Variants in ADGRD1 observed in about 807,000 individuals in gnomAD.
The protein encoded by ADGRD1 is adhesion G protein-coupled receptor D1.
ADGRD1 carries 77 observed loss-of-function variants against 113.4 expected under a neutral mutation model. The observed-to-expected ratio is 0.68, with a 90% CI of 0.57 to 0.82. The LOEUF is 0.82. ADGRD1 is among the 40% of genes least tolerant of loss of function. The pLI is 0.00. For missense variants in ADGRD1, 1,036 were observed against 1,139.1 expected (o/e 0.91, Z 1.30); for synonymous variants, 474 against 475.0 (o/e 1.00, Z 0.03).
chr12:131,072,744 G>T (rs561660866), intron 13 of ADGRD1, among the ~76,000 whole-genome samples: 2 of 152,238 alleles, frequency 1.3e-5, no homozygotes, highest in African/African-American at 4.8e-5. Context: ...AGACTTGGGG[G>T]TGTCATGTTC....
intron 13 of ADGRD1, among the ~76,000 whole-genome samples, chr12:131,052,450 G>A (rs1883491566): frequency 6.6e-6 from 1 of 152,228 alleles, no homozygotes; most frequent in African/African-American, 2.4e-5. Flanking sequence ...CAGGGCAAGA[G>A]CTCTGTTCTT....
At chr12:130,996,812 G>A (rs1415261403) in intron 8 of ADGRD1, among the ~76,000 whole-genome samples, 21 of 113,552 alleles carry the variant, frequency 1.8e-4, no homozygotes, top group African/African-American at 5.4e-4. Context: ...CTCCCGGACG[G>A]GGCGGCTGGC....
intron 13 of ADGRD1, chr12:131,023,936 T>C (rs550977846): frequency 3.3e-5 from 5 of 152,266 alleles, no homozygotes; most frequent in South Asian, 2.1e-4. Context: ...TCTCTGCAAA[T>C]AGACAACTCA....
rs540755730 is a variant in ADGRD1, at chr12:131,106,818, G to A, written c.1887+953G>A. On this transcript the variant is annotated intron_variant, in intron 17 of 24. Coordinates refer to ENST00000261654, the MANE Select transcript of ADGRD1 (RefSeq NM_198827.5). ...CATCTGAGAAGTTCCTGGATGCACC[G>A]TGGAATGGATGGGGTGTGCACTGGC... 2.6e-5 allele frequency among the ~76,000 whole-genome samples: 4 copies of A among 152,318 alleles called. No individual in the cohort carries two copies. The East Asian group carries it at 5.8e-4, about 22-fold the overall frequency.
chr12:130,959,537 C>G (rs1870101558), intron 2 of ADGRD1, among the ~76,000 whole-genome samples: 1 of 152,192 alleles, frequency 6.6e-6, no homozygotes, highest in Non-Finnish European at 1.5e-5. Flanking sequence ...CACCACTGCA[C>G]TCCAGCCTTG....
chr12:130,997,939 C>T (rs1336274875), intron 8 of ADGRD1, among the ~76,000 whole-genome samples: 2 of 152,206 alleles, frequency 1.3e-5, no homozygotes, highest in Non-Finnish European at 2.9e-5. Context: ...AACCAGACAC[C>T]GTCTGCAATC....
chr12:130,961,155 A>C (rs1430157969), intron 2 of ADGRD1, among the ~76,000 whole-genome samples: 1 of 152,194 alleles, frequency 6.6e-6, no homozygotes, highest in East Asian at 1.9e-4. Context: ...CCCTGAACGC[A>C]CACAAGGAGT....
chr12:131,137,067 C>T lies in ADGRD1; in HGVS notation c.2436+53C>T, dbSNP rs528127224. The T allele has an allele frequency of 1.7e-5, 24 of 1,428,206 alleles. No homozygotes were observed. In the Middle Eastern group the frequency reaches 7.1e-4, roughly 42 times the overall value. 88.5% of individuals were successfully genotyped at this position (1,428,206 alleles called of 1,614,324 possible). On this transcript the variant is annotated intron_variant, in intron 23 of 24. Transcript: ENST00000261654. ...GCAGGTGCAGCTGGCTTTTCCTTTC[C>T]GAAAGGTCACAGGAGCAGGAACAGC...
chr12:130,981,590 A>C (rs1215231676), intron 4 of ADGRD1, among the ~76,000 whole-genome samples: 2 of 152,112 alleles, frequency 1.3e-5, no homozygotes, highest in Non-Finnish European at 2.9e-5. Flanking sequence ...GGTGACCTTG[A>C]GTGAATGAGC....
In ADGRD1 at chr12:131,029,232, TA is replaced by T. The variant is rs141884522; in HGVS notation, c.1473+14893del. 2.6e-3 allele frequency among the ~76,000 whole-genome samples: 401 copies of T among 152,378 alleles called. 3 individuals are homozygous for T. The highest frequency in any genetic ancestry group is 9.1e-3 in the African/African-American group (379 of 41,592). On this transcript the variant is annotated intron_variant, in intron 13 of 24. Coordinates refer to ENST00000261654, the MANE Select transcript of ADGRD1 (RefSeq NM_198827.5). ...GCCTGCTGCTGTAATCTACCAGGCT[TA>T]TTTTTATATTGACTATTATAGTCAG...
intron 13 of ADGRD1, among the ~76,000 whole-genome samples, chr12:131,054,216 C>T (rs562982493): frequency 3.3e-5 from 5 of 152,222 alleles, no homozygotes; most frequent in African/African-American, 9.7e-5. Flanking sequence ...ATGGTGAAGA[C>T]GATGAACGTG....
intron 4 of ADGRD1, among the ~76,000 whole-genome samples, chr12:130,974,108 G>A (rs1872027485): frequency 6.6e-6 from 1 of 152,166 alleles, no homozygotes; most frequent in South Asian, 2.1e-4. Flanking sequence ...CTGTGCGAGG[G>A]CCATGGCATG....
intron 22 of ADGRD1, 98 bp from the exon 23 acceptor site, chr12:131,136,875 G>A (rs1951101260): frequency 4.2e-6 from 4 of 957,278 alleles, no homozygotes; most frequent in Non-Finnish European, 6.9e-6. Flanking sequence ...ACAGTGTGCG[G>A]TGCCAGTGCC....
intron 2 of ADGRD1, among the ~76,000 whole-genome samples, chr12:130,960,553 G>T (rs1430788057): frequency 1.0e-4 from 13 of 124,652 alleles, no homozygotes; most frequent in African/African-American, 3.2e-4. Context: ...TATGTTTATT[G>T]ATTTATTTAT....
chr12:131,089,008 G>A (rs990302684), intron 15 of ADGRD1, among the ~76,000 whole-genome samples: 5 of 152,130 alleles, frequency 3.3e-5, no homozygotes, highest in African/African-American at 1.2e-4. Flanking sequence ...AGGCCCCACC[G>A]GTCCCAGACC....
At chr12:131,008,579 G>A (rs1337928359) in intron 12 of ADGRD1, among the ~76,000 whole-genome samples, 2 of 152,218 alleles carry the variant, frequency 1.3e-5, no homozygotes, top group Non-Finnish European at 2.9e-5. Flanking sequence ...CTGTGATGAC[G>A]GAGGGGATGA....
chr12:131,038,386 C>A (rs1207668934), intron 13 of ADGRD1, among the ~76,000 whole-genome samples: 1 of 152,242 alleles, frequency 6.6e-6, no homozygotes, highest in Non-Finnish European at 1.5e-5. Flanking sequence ...CTGCCTGCCA[C>A]CTCCGGGTTG....
chr12:131,123,038 A>ATTTTTT (rs1950636788), intron 20 of ADGRD1, among the ~76,000 whole-genome samples: 2 of 35,386 alleles, frequency 5.7e-5, no homozygotes. Flanking sequence ...TTACCTGGGG[A>ATTTTTT]GTTTTTTTTT....
chr12:130,958,349 G>A (rs1165696612), intron 2 of ADGRD1, among the ~76,000 whole-genome samples: 5 of 151,862 alleles, frequency 3.3e-5, no homozygotes, highest in Admixed American at 6.6e-5. Context: ...ACAGGCGCCC[G>A]TGACCAAGGC....
Sources: gnomAD v4.1 joint callset for allele counts (sites outside exome capture counted in the v4.1 genomes callset) on GRCh38, gnomAD v4.1.1 for gene constraint, MANE v1.5 for transcripts, NCBI Gene and HGNC (gene_info 2026-07-23, HGNC 2026-07-21) for gene names.